Variants in SETBP1 observed in about 807,000 individuals in gnomAD.
SETBP1 encodes the protein SET binding protein 1, also known as SET-binding protein.
Under a neutral mutation model 101.0 loss-of-function variants are expected in SETBP1, and 9 were observed. The observed-to-expected ratio is 0.09, with a 90% CI of 0.05 to 0.16. The LOEUF is 0.16. Ranked by LOEUF, SETBP1 falls within the 10% of genes least tolerant of loss-of-function variation. SETBP1 has a pLI of 1.00. For missense variants in SETBP1, 1,858 were observed against 2,033.8 expected (o/e 0.91, Z 1.66); for synonymous variants, 818 against 788.5 (o/e 1.04, Z -0.63).
chr18:44,910,115 C>A (rs1214904046), intron 3 of SETBP1, among the ~76,000 whole-genome samples: 2 of 152,194 alleles, frequency 1.3e-5, no homozygotes, highest in Non-Finnish European at 2.9e-5. Context: ...GGGTTACTGG[C>A]ATCATTGACA....
chr18:45,036,847 T>C (rs1321721112), intron 4 of SETBP1, among the ~76,000 whole-genome samples: 1 of 152,082 alleles, frequency 6.6e-6, no homozygotes, highest in Non-Finnish European at 1.5e-5. Flanking sequence ...CATGATCAGG[T>C]ATTAGAGTTT....
intron 3 of SETBP1, among the ~76,000 whole-genome samples, chr18:44,880,956 G>C (rs1287714906): frequency 6.6e-6 from 1 of 152,174 alleles, no homozygotes; most frequent in Non-Finnish European, 1.5e-5. Flanking sequence ...CCAGCAAAAA[G>C]TAGATGCTCA....
At chr18:44,913,540 C>T (rs1431840178) in intron 3 of SETBP1, among the ~76,000 whole-genome samples, 1 of 152,194 alleles carries the variant, frequency 6.6e-6, no homozygotes, top group East Asian at 1.9e-4. Context: ...AAGCTGGGTA[C>T]AACTTGAACA....
At chr18:45,023,410 A>C (rs569813036) in intron 4 of SETBP1, among the ~76,000 whole-genome samples, 16 of 152,274 alleles carry the variant, frequency 1.1e-4, no homozygotes, top group Non-Finnish European at 2.2e-4. Flanking sequence ...CGGCTACCCA[A>C]AGACTAGACT....
At chr18:44,908,544 T>C (rs190339562) in intron 3 of SETBP1, among the ~76,000 whole-genome samples, 71 of 152,336 alleles carry the variant, frequency 4.7e-4, no homozygotes, top group Non-Finnish European at 7.9e-4. Flanking sequence ...TTCTGTTCTA[T>C]TGATTTATAT....
chr18:44,751,680 A>G (rs79651771), intron 2 of SETBP1, among the ~76,000 whole-genome samples: 1,537 of 152,324 alleles, frequency 0.01, 22 homozygotes, highest in African/African-American at 0.034. Flanking sequence ...CTCAAAGTGT[A>G]AACAGTTTTC....
In SETBP1 at chr18:44,701,251, T is replaced by C; in HGVS notation, c.-96T>C. On this transcript the variant is annotated 5_prime_UTR_variant, in exon 2 of 6. Coordinates refer to ENST00000649279, the MANE Select transcript of SETBP1 (RefSeq NM_015559.3). ...TCTGACCCTAGCAACTGGACCACTT[T>C]GTTCTTGGAATTTTGGGTGTCCTCT... 1 of 1,390,558 alleles carries C rather than the reference T, an allele frequency of 7.2e-7. No individual in the cohort carries two copies. Among genetic ancestry groups the C allele is most frequent in the Non-Finnish European group, 9.5e-7 (1 of 1,048,386 alleles). 86.1% of individuals were successfully genotyped at this position (1,390,558 alleles called of 1,614,324 possible). A position where few individuals can be genotyped will look rare whatever the true frequency, so the allele number is the denominator to read the frequency against.
intron 2 of SETBP1, among the ~76,000 whole-genome samples, chr18:44,743,343 A>G (rs1193102496): frequency 6.6e-6 from 1 of 152,164 alleles, no homozygotes; most frequent in Admixed American, 6.5e-5. Context: ...AAGAAAAACA[A>G]CAACAACAAC....
At chr18:44,828,907 C>G (rs2072297622) in intron 2 of SETBP1, among the ~76,000 whole-genome samples, 1 of 152,238 alleles carries the variant, frequency 6.6e-6, no homozygotes, top group Admixed American at 6.5e-5. Flanking sequence ...TCTCAGCAGA[C>G]ACTACACCCT....
intron 2 of SETBP1, among the ~76,000 whole-genome samples, chr18:44,754,590 T>G (rs2070453512): frequency 6.6e-6 from 1 of 152,208 alleles, no homozygotes; most frequent in Non-Finnish European, 1.5e-5. Flanking sequence ...ATGTCTGTGG[T>G]CTTGGCCTCT....
At chr18:44,824,608 G>A (rs1165050909) in intron 2 of SETBP1, among the ~76,000 whole-genome samples, 1 of 152,096 alleles carries the variant, frequency 6.6e-6, no homozygotes, top group Non-Finnish European at 1.5e-5. Context: ...CCAGAGGTGT[G>A]TATCTTTCAT....
At chr18:44,874,601 T>G (rs1014634896) in intron 3 of SETBP1, among the ~76,000 whole-genome samples, 10 of 152,160 alleles carry the variant, frequency 6.6e-5, no homozygotes, top group African/African-American at 2.4e-4. Context: ...AGCTTCTCAG[T>G]AGCTAGAGAA....
chr18:44,869,575 G>A (rs768431947), intron 3 of SETBP1: 3 of 419,916 alleles, frequency 7.1e-6, no homozygotes, highest in Non-Finnish European at 1.3e-5. Context: ...GCTTAGGAAA[G>A]GGTTAAACCA....
chr18:44,880,815 T>A (rs2069514482), intron 3 of SETBP1, among the ~76,000 whole-genome samples: 1 of 152,164 alleles, frequency 6.6e-6, no homozygotes, highest in African/African-American at 2.4e-5. Context: ...ATGAGGGATC[T>A]GCCCCCATGG....
chr18:44,685,916 T>C (rs2068830977), intron 1 of SETBP1, among the ~76,000 whole-genome samples: 1 of 152,190 alleles, frequency 6.6e-6, no homozygotes, highest in Non-Finnish European at 1.5e-5. Context: ...TGGTATCCAG[T>C]TGGACTCAAA....
chr18:44,836,119 C>T (rs1377475973), intron 2 of SETBP1, among the ~76,000 whole-genome samples: 6 of 147,346 alleles, frequency 4.1e-5, no homozygotes, highest in South Asian at 2.1e-4. Context: ...TCTCTATAAG[C>T]TTTTTTTTTT....
intron 2 of SETBP1, among the ~76,000 whole-genome samples, chr18:44,829,006 G>C (rs1384269448): frequency 6.6e-6 from 1 of 152,226 alleles, no homozygotes; most frequent in African/African-American, 2.4e-5. Context: ...GTGGTATTTT[G>C]TTAAGTAGCT....
chr18:44,912,500 T>C (rs2070334451), intron 3 of SETBP1, among the ~76,000 whole-genome samples: 1 of 152,100 alleles, frequency 6.6e-6, no homozygotes, highest in Non-Finnish European at 1.5e-5. Context: ...TGTTTGTTTG[T>C]TTTTGTTTTT....
intron 3 of SETBP1, among the ~76,000 whole-genome samples, chr18:44,918,205 A>G (rs563324442): frequency 6.6e-6 from 1 of 152,246 alleles, no homozygotes; most frequent in Non-Finnish European, 1.5e-5. Context: ...GTTCCTCTGC[A>G]TTATCTGTGT....
Sources: gnomAD v4.1 joint callset for allele counts (sites outside exome capture counted in the v4.1 genomes callset) on GRCh38, gnomAD v4.1.1 for gene constraint, MANE v1.5 for transcripts, NCBI Gene and HGNC (gene_info 2026-07-23, HGNC 2026-07-21) for gene names.